RNPC3: variants seen among roughly 807,000 people sequenced by gnomAD.
RNPC3 encodes RNA-binding region-containing protein 3.
In RNPC3, 48 loss-of-function variants were observed where a neutral mutation model predicts 67.5. The ratio of observed to expected loss-of-function variants is 0.71; its 90% CI spans 0.56 to 0.90. The LOEUF is 0.90. RNPC3 is among the 40% of genes least tolerant of loss of function. The pLI is 0.00. For synonymous variants in RNPC3, 239 were observed against 210.3 expected, an observed-to-expected ratio of 1.14 and a Z score of -1.18; for missense variants, 637 against 626.1, an observed-to-expected ratio of 1.02 and a Z score of -0.19.
At chr1:103,546,433 A>C in intron 11 of RNPC3, 91 bp downstream of exon 11, 1 of 583,634 alleles carries the variant, frequency 1.7e-6, no homozygotes, top group Non-Finnish European at 2.8e-6. Flanking sequence ...ACTACCTTTA[A>C]GAATGTGGTT....
At chr1:103,542,137 A>T (rs891138222) in intron 8 of RNPC3, among the ~76,000 whole-genome samples, 5 of 152,078 alleles carry the variant, frequency 3.3e-5, no homozygotes, top group South Asian at 4.1e-4. Flanking sequence ...TGCACAGATG[A>T]TTATTGCATT....
At chr1:103,539,205 A>AGT (rs1651062290) in intron 7 of RNPC3, among the ~76,000 whole-genome samples, 1 of 152,160 alleles carries the variant, frequency 6.6e-6, no homozygotes, top group Non-Finnish European at 1.5e-5. Context: ...GCACGGAAGA[A>AGT]GTGGTATATA....
intron 7 of RNPC3, among the ~76,000 whole-genome samples, chr1:103,539,637 C>A (rs1208928334): frequency 2.6e-5 from 4 of 152,154 alleles, no homozygotes; most frequent in African/African-American, 9.7e-5. Context: ...AGTAATTCAT[C>A]TTGAGTCCTG....
chr1:103,532,262 A>G (rs1303904937), intron 2 of RNPC3, among the ~76,000 whole-genome samples: 1 of 152,030 alleles, frequency 6.6e-6, no homozygotes, highest in Non-Finnish European at 1.5e-5. Context: ...GGATTTCTTA[A>G]TGACTTGGAT....
In RNPC3 at chr1:103,534,789, C is replaced by G. The variant is rs999706228; in HGVS notation, c.375C>G (p.Val125=). 1.8e-5 allele frequency: 28 copies of G among 1,521,448 alleles called. No individual in the cohort carries two copies. The highest frequency in any genetic ancestry group is 2.8e-5 in the African/African-American group (2 of 71,446). 94.2% of individuals were successfully genotyped at this position (1,521,448 alleles called of 1,614,324 possible). The stretch of plus-strand genomic sequence containing the variant: ...TATGTCCCAGGTCTGATGACCCTGT[C>G]GAAGATGATAAAGAAAAAAAAGAAC... ...SEKKKRSDDP[V]EDDKEKKELG... The change falls in exon 4 of 15, where the codon GTC becomes GTG. Residue 125 remains valine (V), a synonymous_variant. Transcript: ENST00000423855.
At chr1:103,542,872 T>C (rs1230379609) in intron 8 of RNPC3, among the ~76,000 whole-genome samples, 1 of 151,786 alleles carries the variant, frequency 6.6e-6, no homozygotes, top group Non-Finnish European at 1.5e-5. Context: ...ATTTCATCTG[T>C]TTCTTTTCAT....
At chr1:103,554,211 A>G (rs746564615) in intron 14 of RNPC3, 1 of 152,158 alleles carries the variant, frequency 6.6e-6, no homozygotes, top group Non-Finnish European at 1.5e-5. Context: ...AAAATTAGCC[A>G]AGTGTGGTGG....
chr1:103,527,013 TG>T (rs1392407322), intron 1 of RNPC3, among the ~76,000 whole-genome samples: 1 of 142,116 alleles, frequency 7.0e-6, no homozygotes, highest in African/African-American at 3.1e-5. Context: ...CACTTATGCC[TG>T]CAAATTAAAA....
chr1:103,547,700 G>C (rs1246005605), intron 12 of RNPC3, among the ~76,000 whole-genome samples: 1 of 152,154 alleles, frequency 6.6e-6, no homozygotes, highest in Non-Finnish European at 1.5e-5. Flanking sequence ...ATTGAGCAAG[G>C]CTTCCAGTTT....
chr1:103,553,964 A>G (rs1210354001), intron 14 of RNPC3: 2 of 152,226 alleles, frequency 1.3e-5, no homozygotes, highest in African/African-American at 2.4e-5. Context: ...CTTGGCAGGT[A>G]TATAGGAATA....
rs767288855 is a variant in RNPC3, at chr1:103,545,048, C to T, written c.1153C>T (p.Pro385Ser). Residue 385 changes from proline to serine, a missense_variant, in exon 10 of 15, where the codon CCT becomes TCT. Physicochemically the swap from Pro to Ser is moderately conservative, Grantham distance 74. This residue lies in a region of RNPC3 where 536 missense variants were observed against 500.3 expected (regional missense o/e 1.07). Transcript: ENST00000423855. ...EEIKEDSDEM[P>S]SECISRRELE... ...GATTAAAGAAGACTCTGATGAAATG[C>T]CTTCAGAATGTATTTCTAGAAGGGA... 1 of 1,533,816 alleles carries T rather than the reference C, an allele frequency of 6.5e-7. No homozygotes were observed. Among genetic ancestry groups the T allele is most frequent in the South Asian group, 1.2e-5 (1 of 83,590 alleles).
intron 14 of RNPC3, chr1:103,552,035 T>C (rs1220125954): frequency 6.8e-6 from 2 of 291,994 alleles, no homozygotes; most frequent in East Asian, 6.7e-5. Flanking sequence ...ACTCTTTTTT[T>C]AACTTTTTCT....
intron 7 of RNPC3, among the ~76,000 whole-genome samples, chr1:103,539,409 T>C (rs1651066649): frequency 1.3e-5 from 2 of 152,264 alleles, no homozygotes; most frequent in Admixed American, 1.3e-4. Context: ...ATACACTATC[T>C]GTCTTAAAAA....
At chr1:103,553,830 A>G (rs1035281826) in intron 14 of RNPC3, 6 of 152,190 alleles carry the variant, frequency 3.9e-5, no homozygotes, top group Non-Finnish European at 8.8e-5. Context: ...ATCTCTTTTG[A>G]CATAGATAGC....
At chr1:103,533,524 T>C (rs192453816) in intron 2 of RNPC3, among the ~76,000 whole-genome samples, 122 of 152,124 alleles carry the variant, frequency 8.0e-4, no homozygotes, top group African/African-American at 2.9e-3. Context: ...TGGCATAAAG[T>C]GGGATTTAGC....
At chr1:103,534,331 C>T (rs900150291) in intron 3 of RNPC3, among the ~76,000 whole-genome samples, 3 of 151,900 alleles carry the variant, frequency 2.0e-5, no homozygotes, top group Non-Finnish European at 4.4e-5. Flanking sequence ...TTAACCCAGT[C>T]TTACTGAATC....
chr1:103,540,203 CTT>C (rs1651091676), intron 7 of RNPC3, among the ~76,000 whole-genome samples: 1 of 152,142 alleles, frequency 6.6e-6, no homozygotes, highest in Non-Finnish European at 1.5e-5. Context: ...TGTACACAAA[CTT>C]TATTTCATGT....
intron 7 of RNPC3, among the ~76,000 whole-genome samples, chr1:103,540,658 G>A (rs184464749): frequency 3.3e-5 from 5 of 152,102 alleles, no homozygotes; most frequent in Non-Finnish European, 7.4e-5. Flanking sequence ...ATTTTGTTGT[G>A]TGTGTATTTT....
At chr1:103,550,677 G>A (rs1014349220) in intron 12 of RNPC3, among the ~76,000 whole-genome samples, 2 of 149,760 alleles carry the variant, frequency 1.3e-5, no homozygotes, top group Non-Finnish European at 3.0e-5. Context: ...TGGTTTTCTA[G>A]TTGCTAATAG....
Sources: allele counts gnomAD v4.1 joint callset (sites outside exome capture counted in the v4.1 genomes callset), GRCh38; gene constraint gnomAD v4.1.1; regional missense constraint gnomAD v4.1.1; transcripts MANE v1.5; gene names NCBI Gene and HGNC (gene_info 2026-07-23, HGNC 2026-07-21).